Variants in MBNL1 observed in about 807,000 individuals in gnomAD.
MBNL1 encodes muscleblind like splicing regulator 1.
Under a neutral mutation model 42.2 loss-of-function variants are expected in MBNL1, and 8 were observed. That is an observed-to-expected ratio of 0.19 (90% CI 0.11 to 0.34). The LOEUF is 0.34. Ranked by LOEUF, MBNL1 falls within the 10% of genes least tolerant of loss-of-function variation. The pLI is 1.00. For synonymous variants in MBNL1, 169 were observed against 173.9 expected, an observed-to-expected ratio of 0.97 and a Z score of 0.22; for missense variants, 309 against 495.3, an observed-to-expected ratio of 0.62 and a Z score of 3.57.
upstream of MBNL1, chr3:152,267,280 C>T (rs935015330): frequency 6.6e-6 from 1 of 152,664 alleles, no homozygotes; most frequent in Non-Finnish European, 1.5e-5. Context: ...TTCTACACAC[C>T]TTTCAAGGCA....
intron 4 of MBNL1, among the ~76,000 whole-genome samples, chr3:152,443,573 C>G (rs769919017): frequency 6.6e-6 from 1 of 151,392 alleles, no homozygotes; most frequent in African/African-American, 2.4e-5. Flanking sequence ...GCCTCACATA[C>G]AATAAATTTT....
rs60509782 is a variant in MBNL1, at chr3:152,407,209, C to CTTTTTTTTTTTTTTTT, written c.175-7721_175-7706dup. Among the ~76,000 whole-genome samples the CTTTTTTTTTTTTTTTT allele has an allele frequency of 2.2e-4, 12 of 54,358 alleles. 1 individual carries two copies. Among genetic ancestry groups the CTTTTTTTTTTTTTTTT allele is most frequent in the East Asian group, 3.8e-4 (1 of 2,624 alleles). The allele number at this position is 54,358 out of a possible 152,430, so 35.7% of individuals were successfully genotyped here. On this transcript the variant is annotated intron_variant, in intron 2 of 9. Transcript: ENST00000324210. ...GGGATTATATCAGTGGAAATATGTTCTTTTTTTTTTTTTTTTTTTTTTTTT... is the reference window on the plus strand; with the variant it reads ...GGGATTATATCAGTGGAAATATGTTCTTTTTTTTTTTTTTTTTTTTTTTTTTTTTTTTTTTTTTTTT...
intron 2 of MBNL1, chr3:152,340,213 T>G (rs2092770013): frequency 4.0e-6 from 1 of 247,688 alleles, no homozygotes; most frequent in Non-Finnish European, 7.7e-6. Context: ...TCCTAGTTAC[T>G]CAGGAGACTG....
intron 2 of MBNL1, among the ~76,000 whole-genome samples, chr3:152,362,746 G>A (rs2096069032): frequency 6.6e-6 from 1 of 152,120 alleles, no homozygotes; most frequent in Non-Finnish European, 1.5e-5. Context: ...GCCCCTGCTT[G>A]AGAACCATAG....
At chr3:152,399,166 G>A (rs1303622241) in intron 2 of MBNL1, among the ~76,000 whole-genome samples, 1 of 152,076 alleles carries the variant, frequency 6.6e-6, no homozygotes, top group African/African-American at 2.4e-5. Flanking sequence ...CACATGAGAG[G>A]TCTCACCATA....
At chr3:152,279,955 C>A (rs2047460975) in intron 1 of MBNL1, among the ~76,000 whole-genome samples, 1 of 152,118 alleles carries the variant, frequency 6.6e-6, no homozygotes, top group South Asian at 2.1e-4. Flanking sequence ...GGAGACCTGT[C>A]ACTTTGCTAA....
intron 2 of MBNL1, among the ~76,000 whole-genome samples, chr3:152,322,394 C>T (rs1008202047): frequency 6.6e-6 from 1 of 152,168 alleles, no homozygotes; most frequent in East Asian, 1.9e-4. Context: ...ATAGTCATTA[C>T]AGTTGTAAAT....
chr3:152,448,205 C>T (rs1244417583), intron 6 of MBNL1, among the ~76,000 whole-genome samples: 1 of 151,970 alleles, frequency 6.6e-6, no homozygotes, highest in Non-Finnish European at 1.5e-5. Flanking sequence ...TTTTCAAGGT[C>T]AAGAATGAAA....
At chr3:152,319,735 TAATAA>T (rs1185554727) in intron 2 of MBNL1, among the ~76,000 whole-genome samples, 2 of 148,164 alleles carry the variant, frequency 1.3e-5, no homozygotes, top group African/African-American at 4.9e-5. Flanking sequence ...ATTAAAATTA[TAATAA>T]AATATACAAT....
intron 2 of MBNL1, among the ~76,000 whole-genome samples, chr3:152,410,981 A>G (rs1271935027): frequency 2.0e-5 from 3 of 152,190 alleles, no homozygotes; most frequent in Non-Finnish European, 2.9e-5. Flanking sequence ...GAAAGTAACT[A>G]ATATTTATTG....
At chr3:152,412,026 A>T (rs1407712127) in intron 2 of MBNL1, among the ~76,000 whole-genome samples, 1 of 152,236 alleles carries the variant, frequency 6.6e-6, no homozygotes, top group Non-Finnish European at 1.5e-5. Context: ...TTGAGGTGTG[A>T]TGCTACTAAG....
chr3:152,445,709 G>A (rs1328786426), intron 5 of MBNL1, among the ~76,000 whole-genome samples, 170 bp downstream of exon 5: 1 of 152,172 alleles, frequency 6.6e-6, no homozygotes, highest in Admixed American at 6.5e-5. Flanking sequence ...CAGAAGTGAG[G>A]GTAACTCCTC....
chr3:152,344,621 CT>C (rs2093915430), intron 2 of MBNL1, among the ~76,000 whole-genome samples: 1 of 152,136 alleles, frequency 6.6e-6, no homozygotes. Context: ...CAGTGTGGAA[CT>C]TTCTGGTTTC....
intron 2 of MBNL1, among the ~76,000 whole-genome samples, chr3:152,405,831 T>A (rs1449201899): frequency 6.6e-6 from 1 of 152,186 alleles, no homozygotes; most frequent in African/African-American, 2.4e-5. Context: ...ACATTTATTA[T>A]GTAAATGTTA....
At chr3:152,288,409 A>G (rs2053891954) in intron 1 of MBNL1, among the ~76,000 whole-genome samples, 1 of 152,172 alleles carries the variant, frequency 6.6e-6, no homozygotes, top group African/African-American at 2.4e-5. Flanking sequence ...CTACATGGGA[A>G]AATATGCTTG....
At chr3:152,435,897 T>C (rs974374702) in intron 4 of MBNL1, among the ~76,000 whole-genome samples, 5 of 152,330 alleles carry the variant, frequency 3.3e-5, no homozygotes, top group Admixed American at 3.3e-4. Flanking sequence ...TGATTTTGTG[T>C]CCTGCAACTT....
rs151336277 is a variant in MBNL1, at chr3:152,449,700, T to C, written c.961+1927T>C. 6.1e-3 allele frequency among the ~76,000 whole-genome samples: 925 copies of C among 152,334 alleles called. 10 individuals are homozygous for C. Among genetic ancestry groups the C allele is most frequent in the African/African-American group, 0.021 (854 of 41,572 alleles). ...TGTCTCTCTGTGCTAGGTTAAGCAT[T>C]GCTAATTTAAATAAAATCTGCATTA... On this transcript the variant is annotated intron_variant, in intron 6 of 9. Coordinates refer to ENST00000324210, the MANE Select transcript of MBNL1 (RefSeq NM_021038.5).
rs541859169 is a variant in MBNL1 at position 152,457,824 on chromosome 3, T to A, written c.1093-1447T>A. On this transcript the variant is annotated intron_variant, in intron 8 of 9. Coordinates refer to ENST00000324210, the MANE Select transcript of MBNL1 (RefSeq NM_021038.5). ...TAAGCAGAACTATAGCAGAGCAAAT[T>A]TCAACATGCCCTTGGCCACCTGGGT... is the stretch of plus-strand genomic sequence containing the variant. 201 of 303,274 alleles carry A rather than the reference T, an allele frequency of 6.6e-4. 1 individual carries two copies. Among genetic ancestry groups the A allele is most frequent in the African/African-American group, 3.9e-3 (187 of 47,558 alleles). The allele number at this position is 303,274 out of a possible 1,614,324, so 18.8% of individuals were successfully genotyped here. A position where few individuals can be genotyped will look rare whatever the true frequency, so the allele number is the denominator to read the frequency against.
intron 1 of MBNL1, among the ~76,000 whole-genome samples, chr3:152,290,069 G>T (rs890548836): frequency 5.3e-5 from 8 of 151,152 alleles, no homozygotes; most frequent in Non-Finnish European, 1.2e-4. Flanking sequence ...CACATATTTT[G>T]GGCCATATTC....
Sources: gnomAD v4.1 joint callset for allele counts (sites outside exome capture counted in the v4.1 genomes callset) on GRCh38, gnomAD v4.1.1 for gene constraint, MANE v1.5 for transcripts, NCBI Gene and HGNC (gene_info 2026-07-23, HGNC 2026-07-21) for gene names.